Variants in SLC35F4 observed in about 807,000 individuals in gnomAD.
SLC35F4 encodes the protein solute carrier family 35 member F4, also known as chromosome 14 open reading frame 36.
SLC35F4 carries 24 observed loss-of-function variants against 44.2 expected under a neutral mutation model. The observed-to-expected ratio is 0.54, with a 90% CI of 0.39 to 0.76. The LOEUF (loss-of-function observed/expected upper bound fraction) is 0.76, where lower values mean the gene tolerates loss of function less well. SLC35F4 is among the 30% of genes least tolerant of loss of function. The pLI, the probability that SLC35F4 is intolerant of heterozygous loss-of-function variation, is 0.00. For synonymous variants in SLC35F4, 238 were observed against 223.6 expected (o/e 1.06, Z -0.57); for missense variants, 562 against 586.1 (o/e 0.96, Z 0.42).
intron 1 of SLC35F4, among the ~76,000 whole-genome samples, chr14:57,965,128 C>A (rs1291390200): frequency 6.6e-6 from 1 of 151,894 alleles, no homozygotes; most frequent in African/African-American, 2.4e-5. Flanking sequence ...AAATTATTAT[C>A]TCACAATAAT....
chr14:57,694,808 C>T (rs1190611698), intron 1 of SLC35F4, among the ~76,000 whole-genome samples: 2 of 152,060 alleles, frequency 1.3e-5, no homozygotes, highest in Non-Finnish European at 2.9e-5. Flanking sequence ...TTGTAGATGG[C>T]ATTTCAATTT....
chr14:57,712,534 C>T lies in SLC35F4; in HGVS notation c.104-118410G>A, dbSNP rs542936342. 4.6e-5 allele frequency among the ~76,000 whole-genome samples: 7 copies of T among 152,226 alleles called. No individual in the cohort carries two copies. In the South Asian group the frequency reaches 1.0e-3, roughly 23 times the overall value. ...GACATTAACAAATTGGTATCTCACA[C>T]GTAATATTTTCTATGTGAAGTCTCA... On this transcript the variant is annotated intron_variant, in intron 1 of 7. Coordinates refer to ENST00000556826, the MANE Select transcript of SLC35F4 (RefSeq NM_001306087.2).
At chr14:57,681,945 A>T (rs1189364946) in intron 1 of SLC35F4, among the ~76,000 whole-genome samples, 3 of 152,230 alleles carry the variant, frequency 2.0e-5, no homozygotes, top group Admixed American at 2.0e-4. Flanking sequence ...CCACAATAAG[A>T]TACCATCTCA....
intron 1 of SLC35F4, among the ~76,000 whole-genome samples, chr14:57,843,068 C>A (rs1885649592): frequency 6.6e-6 from 1 of 152,154 alleles, no homozygotes; most frequent in Non-Finnish European, 1.5e-5. Context: ...GGCTATCGAA[C>A]CTTTAGCCAC....
intron 1 of SLC35F4, among the ~76,000 whole-genome samples, chr14:57,744,124 T>G (rs573681018): frequency 6.6e-6 from 1 of 152,186 alleles, no homozygotes; most frequent in Non-Finnish European, 1.5e-5. Context: ...AATATCATAC[T>G]GAATGGGCAA....
Position 57,633,826 on chromosome 14 carries a change from A to C in SLC35F4, c.104-39702T>G, listed in dbSNP as rs190131727. ...TTTCTTCACTCAGCATAATGCCCTCAGATGTATACAAGTTGTGTGTATCAA... is the reference window on the plus strand; with the variant it reads ...TTTCTTCACTCAGCATAATGCCCTCCGATGTATACAAGTTGTGTGTATCAA... On this transcript the variant is annotated intron_variant, in intron 1 of 7. Coordinates refer to ENST00000556826, the MANE Select transcript of SLC35F4 (RefSeq NM_001306087.2). 3.3e-5 allele frequency among the ~76,000 whole-genome samples: 5 copies of C among 152,262 alleles called. No individual in the cohort carries two copies. The East Asian group carries it at 9.7e-4, about 29-fold the overall frequency.
intron 1 of SLC35F4, among the ~76,000 whole-genome samples, chr14:57,679,296 G>A (rs1299028876): frequency 6.6e-6 from 1 of 152,026 alleles, no homozygotes; most frequent in Non-Finnish European, 1.5e-5. Context: ...ATGAAATGAA[G>A]GCAGAAATAA....
At chr14:57,774,578 C>G (rs2077443920) in intron 1 of SLC35F4, among the ~76,000 whole-genome samples, 1 of 152,190 alleles carries the variant, frequency 6.6e-6, no homozygotes, top group African/African-American at 2.4e-5. Flanking sequence ...GCCCATGAGA[C>G]CGGGCAGTCC....
Position 57,957,266 on chromosome 14 carries a change from A to G in SLC35F4, n.282+24647T>C, listed in dbSNP as rs567143872. Among the ~76,000 whole-genome samples the G allele has an allele frequency of 2.0e-4, 30 of 152,184 alleles. No homozygotes were observed. The South Asian group carries it at 5.8e-3, about 30-fold the overall frequency. On this transcript the variant is annotated intron_variant and non_coding_transcript_variant, in intron 1 of 1. Coordinates refer to the SLC35F4 transcript ENST00000556568. ...AGAACACATGGACATAGGGAGGGGA[A>G]TATCACACACCGGGGACTGTCAGGG...
intron 1 of SLC35F4, among the ~76,000 whole-genome samples, chr14:57,779,567 T>A (rs1009868043): frequency 6.6e-6 from 1 of 152,128 alleles, no homozygotes; most frequent in African/African-American, 2.4e-5. Flanking sequence ...GAAGGACTTC[T>A]CCCCATCTCA....
rs551849447 is a variant in SLC35F4, at chr14:57,669,073, T to C, written c.104-74949A>G. Among the ~76,000 whole-genome samples, 71 of 152,190 alleles carry C rather than the reference T, an allele frequency of 4.7e-4. 2 individuals carry two copies. Among genetic ancestry groups the C allele is most frequent in the African/African-American group, 1.6e-3 (68 of 41,452 alleles). ...CCCCTGTAAGTTGGATTCCTAGGTA[T>C]TTTATTCTCTTTGAAGCAATTGTGA... On this transcript the variant is annotated intron_variant, in intron 1 of 7. Transcript: ENST00000556826.
At chr14:57,923,390 G>A (rs564279217) in intron 1 of SLC35F4, among the ~76,000 whole-genome samples, 59 of 152,206 alleles carry the variant, frequency 3.9e-4, no homozygotes, top group Admixed American at 3.4e-3. Context: ...ATTCCTCCAC[G>A]CACTCAGCCA....
chr14:57,909,652 C>T (rs1889177874), intron 1 of SLC35F4, among the ~76,000 whole-genome samples: 2 of 151,790 alleles, frequency 1.3e-5, no homozygotes, highest in Admixed American at 6.6e-5. Flanking sequence ...TTTGATAGCT[C>T]ATATTTTTTA....
intron 1 of SLC35F4, among the ~76,000 whole-genome samples, chr14:57,745,865 A>G (rs1250230835): frequency 6.6e-6 from 1 of 152,216 alleles, no homozygotes; most frequent in Non-Finnish European, 1.5e-5. Flanking sequence ...CTGGATTAAG[A>G]AAATGTGGCA....
intron 1 of SLC35F4, among the ~76,000 whole-genome samples, chr14:57,702,597 T>C (rs541576292): frequency 6.6e-6 from 1 of 152,234 alleles, no homozygotes; most frequent in East Asian, 1.9e-4. Flanking sequence ...GTCATAAGGG[T>C]GAATATTAAC....
intron 4 of SLC35F4, among the ~76,000 whole-genome samples, chr14:57,580,822 AT>A (rs2069195059): frequency 6.6e-6 from 1 of 152,062 alleles, no homozygotes; most frequent in Non-Finnish European, 1.5e-5. Context: ...GGTGGGGGGA[AT>A]GGGGGGTCAT....
chr14:57,893,351 C>T (rs1189185338), intron 1 of SLC35F4, among the ~76,000 whole-genome samples: 1 of 152,152 alleles, frequency 6.6e-6, no homozygotes, highest in African/African-American at 2.4e-5. Flanking sequence ...TACATTGTCT[C>T]TTTTTAACTT....
At chr14:57,970,416 G>T (rs1425349806) in intron 1 of SLC35F4, among the ~76,000 whole-genome samples, 1 of 152,178 alleles carries the variant, frequency 6.6e-6, no homozygotes, top group Non-Finnish European at 1.5e-5. Context: ...AGATTCTAGG[G>T]TGTGCTCTCT....
At chr14:57,980,645 AAT>A (rs1163740602) in intron 1 of SLC35F4, among the ~76,000 whole-genome samples, 2 of 103,560 alleles carry the variant, frequency 1.9e-5, no homozygotes, top group Non-Finnish European at 3.6e-5. Context: ...ACATCAAGAA[AAT>A]GGCTGTGTTT....
Sources: allele counts gnomAD v4.1 joint callset (sites outside exome capture counted in the v4.1 genomes callset), GRCh38; gene constraint gnomAD v4.1.1; transcripts MANE v1.5; gene names NCBI Gene and HGNC (gene_info 2026-07-23, HGNC 2026-07-21).